Variants in AUH observed in about 807,000 individuals in gnomAD.
The protein encoded by AUH is methylglutaconyl-CoA hydratase, mitochondrial.
A neutral mutation model predicts 42.3 loss-of-function variants in AUH; 29 were observed. That is an observed-to-expected ratio of 0.69 (90% CI 0.51 to 0.93). The LOEUF (loss-of-function observed/expected upper bound fraction) is 0.93. Among genes scored for constraint, AUH ranks in the 40% least tolerant of loss-of-function variants. The pLI is 0.00. For synonymous variants in AUH, 174 were observed against 166.4 expected, an observed-to-expected ratio of 1.05 and a Z score of -0.35; for missense variants, 452 against 438.1, an observed-to-expected ratio of 1.03 and a Z score of -0.28.
intron 6 of AUH, among the ~76,000 whole-genome samples, chr9:91,223,310 G>A (rs527874386): frequency 4.6e-4 from 70 of 151,892 alleles, no homozygotes; most frequent in African/African-American, 1.6e-3. Context: ...CATATAAATG[G>A]AATCGTTCAG....
intron 9 of AUH, among the ~76,000 whole-genome samples, chr9:91,215,401 A>G (rs1277453259): frequency 6.6e-6 from 1 of 152,132 alleles, no homozygotes; most frequent in African/African-American, 2.4e-5. Context: ...GTATACTTTA[A>G]ATCATCTCTA....
chr9:91,235,375 T>A (rs1828118385), intron 6 of AUH, among the ~76,000 whole-genome samples: 1 of 152,064 alleles, frequency 6.6e-6, no homozygotes, highest in African/African-American at 2.4e-5. Context: ...GAAAGGAAAA[T>A]CAATCTAATG....
At chr9:91,324,520 T>TA (rs200031880) in intron 4 of AUH, among the ~76,000 whole-genome samples, 9,419 of 62,890 alleles carry the variant, frequency 0.15, 552 homozygotes, top group East Asian at 0.36. Flanking sequence ...AATCAAAAAT[T>TA]AAAAAAAAAA....
chr9:91,280,646 T>C (rs998089358), intron 6 of AUH, among the ~76,000 whole-genome samples: 22 of 152,236 alleles, frequency 1.4e-4, no homozygotes, highest in African/African-American at 5.1e-4. Flanking sequence ...CAATCTTTTC[T>C]GTATAACTAT....
intron 6 of AUH, among the ~76,000 whole-genome samples, chr9:91,247,779 T>C (rs1420794850): frequency 2.0e-5 from 3 of 152,250 alleles, no homozygotes; most frequent in Non-Finnish European, 2.9e-5. Flanking sequence ...GTAGAGCATC[T>C]TTTTATGTGC....
intron 3 of AUH, among the ~76,000 whole-genome samples, chr9:91,341,734 G>C (rs1187775195): frequency 6.6e-6 from 1 of 152,232 alleles, no homozygotes; most frequent in Non-Finnish European, 1.5e-5. Context: ...GCCAACGAAA[G>C]GAGCTTATCT....
intron 7 of AUH, 96 bp from the exon 8 acceptor site, chr9:91,217,423 T>G: frequency 1.1e-3 from 1,212 of 1,107,570 alleles, no homozygotes; most frequent in Non-Finnish European, 1.4e-3. Context: ...ACTGGATCCA[T>G]TGCACAGCCA....
At chr9:91,274,593 A>C (rs1443827747) in intron 6 of AUH, among the ~76,000 whole-genome samples, 1 of 152,244 alleles carries the variant, frequency 6.6e-6, no homozygotes, top group Non-Finnish European at 1.5e-5. Context: ...TGCAAAGTCA[A>C]GTGTATAAAA....
chr9:91,246,535 T>C (rs1476510968), intron 6 of AUH, among the ~76,000 whole-genome samples: 1 of 152,206 alleles, frequency 6.6e-6, no homozygotes, highest in African/African-American at 2.4e-5. Context: ...AAAGAGGCGA[T>C]GGCAAATGAA....
intron 6 of AUH, among the ~76,000 whole-genome samples, chr9:91,293,330 G>C (rs1018721544): frequency 1.3e-5 from 2 of 152,230 alleles, no homozygotes; most frequent in African/African-American, 4.8e-5. Flanking sequence ...TAGGCCTCTT[G>C]CACCACTTAG....
chr9:91,272,536 A>G (rs1273058131), intron 6 of AUH, among the ~76,000 whole-genome samples: 1 of 152,034 alleles, frequency 6.6e-6, no homozygotes, highest in Non-Finnish European at 1.5e-5. Flanking sequence ...GCACCCTCCC[A>G]CCTCTGTCTT....
At chr9:91,233,169 G>T (rs187225130) in intron 6 of AUH, among the ~76,000 whole-genome samples, 2 of 151,988 alleles carry the variant, frequency 1.3e-5, no homozygotes, top group South Asian at 4.1e-4. Flanking sequence ...GTAAGAAAGC[G>T]GGGGGAGATG....
intron 6 of AUH, among the ~76,000 whole-genome samples, chr9:91,291,505 T>C (rs2131619790): frequency 6.6e-6 from 1 of 152,348 alleles, no homozygotes; most frequent in Non-Finnish European, 1.5e-5. Flanking sequence ...TTTAAATTGA[T>C]CCACTGTCTT....
At chr9:91,314,978 C>CA (rs1829038272) in intron 4 of AUH, among the ~76,000 whole-genome samples, 1 of 152,240 alleles carries the variant, frequency 6.6e-6, no homozygotes, top group African/African-American at 2.4e-5. Flanking sequence ...GACTGGAGTG[C>CA]AGTGGCATGA....
intron 1 of AUH, among the ~76,000 whole-genome samples, chr9:91,359,957 G>A (rs939489400): frequency 5.3e-5 from 8 of 151,438 alleles, no homozygotes; most frequent in African/African-American, 1.9e-4. Flanking sequence ...AGGAGGCGGG[G>A]TCAACTTTAA....
At chr9:91,254,038 T>C (rs1452504276) in intron 6 of AUH, among the ~76,000 whole-genome samples, 2 of 152,340 alleles carry the variant, frequency 1.3e-5, no homozygotes, top group African/African-American at 4.8e-5. Flanking sequence ...ACTAATGTCC[T>C]TTCTGGCATA....
intron 6 of AUH, among the ~76,000 whole-genome samples, chr9:91,268,294 A>G (rs1419312152): frequency 6.6e-6 from 1 of 152,224 alleles, no homozygotes; most frequent in Admixed American, 6.5e-5. Context: ...CTATAATGAG[A>G]ACATACTCTG....
At chr9:91,328,337 T>G (rs1470537477) in intron 3 of AUH, among the ~76,000 whole-genome samples, 1 of 152,154 alleles carries the variant, frequency 6.6e-6, no homozygotes, top group Non-Finnish European at 1.5e-5. Context: ...ATGGAATAGG[T>G]CATCATCAGA....
At chr9:91,327,245 C>T (rs1288723217) in intron 3 of AUH, among the ~76,000 whole-genome samples, 2 of 152,176 alleles carry the variant, frequency 1.3e-5, no homozygotes, top group Non-Finnish European at 2.9e-5. Flanking sequence ...ACAAATTCCC[C>T]AGCAGACAGG....
Sources: gnomAD v4.1 joint callset for allele counts (sites outside exome capture counted in the v4.1 genomes callset) on GRCh38, gnomAD v4.1.1 for gene constraint, MANE v1.5 for transcripts, NCBI Gene and HGNC (gene_info 2026-07-23, HGNC 2026-07-21) for gene names.